The following TMEM41A variants were observed in gnomAD, a reference collection of about 807,000 sequenced individuals.
The protein encoded by TMEM41A is transmembrane protein 41A.
Under a neutral mutation model 25.7 loss-of-function variants are expected in TMEM41A, and 20 were observed. The ratio of observed to expected loss-of-function variants is 0.78; its 90% CI spans 0.55 to 1.13. TMEM41A has a LOEUF of 1.13. Ranked by LOEUF, TMEM41A falls within the 50% of genes most tolerant of loss-of-function variation. The pLI is 0.00. For missense variants in TMEM41A, 299 were observed against 314.3 expected (o/e 0.95, Z 0.37); for synonymous variants, 133 against 139.6 (o/e 0.95, Z 0.33).
intron 4 of TMEM41A, 107 bp downstream of exon 4, chr3:185,494,516 G>A (rs1719042810): frequency 3.1e-6 from 4 of 1,269,898 alleles, no homozygotes; most frequent in East Asian, 2.6e-5. Flanking sequence ...CACACTTTGT[G>A]AGCCTGTGTT....
At position 185,495,158 on chromosome 3, in the gene TMEM41A, C is replaced by G. The variant is rs747211633; in HGVS notation, c.431G>C (p.Arg144Thr). Reference sequence around the variant, plus strand: ...AGATGTGACCCCTCCCCTTACCTTTCTCTGCAGCAGGGCCACTTTATCAGG... The same window carrying G: ...AGATGTGACCCCTCCCCTTACCTTTGTCTGCAGCAGGGCCACTTTATCAGG... The part of the protein sequence containing the change: ...YFPDKVALLQ[R>T]KVEENRNSLF... Residue 144 changes from arginine to threonine, a missense_variant, in exon 3 of 5, where the codon AGA (arginine) becomes ACA (threonine). Coordinates refer to ENST00000421852, the MANE Select transcript of TMEM41A (RefSeq NM_080652.4). 5 of 1,613,576 alleles carry G rather than the reference C, an allele frequency of 3.1e-6. No individual in the cohort carries two copies. The African/African-American group carries it at 6.7e-5, about 22-fold the overall frequency.
At chr3:185,496,290 C>A in intron 2 of TMEM41A, 1 of 192,888 alleles carries the variant, frequency 5.2e-6, no homozygotes, top group Non-Finnish European at 1.1e-5. Flanking sequence ...GTAATCCTCA[C>A]TACATCCCTG....
In TMEM41A at chr3:185,491,359, C is replaced by T. The variant is rs1486425275; in HGVS notation, c.*178G>A. The T allele has an allele frequency of 8.8e-6, 5 of 571,222 alleles. No individual in the cohort carries two copies. Among genetic ancestry groups the T allele is most frequent in the Admixed American group, 3.1e-5 (1 of 32,560 alleles). The allele number at this position is 571,222 out of a possible 1,614,324, so 35.4% of individuals were successfully genotyped here. A position where few individuals can be genotyped will look rare whatever the true frequency, so the allele number is the denominator to read the frequency against. Reference sequence around the variant, plus strand: ...TGCTACACCAGGGCTGGTTTGAAAACCTGATGTAATACACCTTCAAGAGCA... The same window carrying T: ...TGCTACACCAGGGCTGGTTTGAAAATCTGATGTAATACACCTTCAAGAGCA... On this transcript the variant is annotated 3_prime_UTR_variant, in exon 5 of 5. Transcript: ENST00000421852.
At position 185,491,445 on chromosome 3, in the gene TMEM41A, G is replaced by A. The variant is rs1438661684; in HGVS notation, c.*92C>T. Reference sequence around the variant, plus strand: ...CACAGTGTCCACATCACCTATAGAAGGCAATCAAAAACAATGAGGGGCTTT... The same window carrying A: ...CACAGTGTCCACATCACCTATAGAAAGCAATCAAAAACAATGAGGGGCTTT... On this transcript the variant is annotated 3_prime_UTR_variant, in exon 5 of 5. Coordinates refer to ENST00000421852, the MANE Select transcript of TMEM41A (RefSeq NM_080652.4). The A allele has an allele frequency of 1.0e-6, 1 of 958,104 alleles. No individual in the cohort carries two copies. The allele number at this position is 958,104 out of a possible 1,614,324, so 59.4% of individuals were successfully genotyped here. A position where few individuals can be genotyped will look rare whatever the true frequency, so the allele number is the denominator to read the frequency against.
intron 4 of TMEM41A, chr3:185,494,401 T>TGGACAATCTTTATTTAGTCCAA (rs1370640033): frequency 3.1e-5 from 15 of 481,266 alleles, no homozygotes; most frequent in Admixed American, 1.2e-4. Flanking sequence ...AGCCATGCAA[T>TGGACAATCTTTATTTAGTCCAA]GGACAATCTT....
chr3:185,496,981 C>A lies in TMEM41A; in HGVS notation c.120G>T (p.Arg40Ser). The change falls in exon 2 of 5, where the codon AGG becomes AGT. Residue 40 changes from arginine (R) to serine (S), a missense_variant and splice_region_variant. Coordinates refer to ENST00000421852, the MANE Select transcript of TMEM41A (RefSeq NM_080652.4). Reference sequence around the variant, plus strand: ...CCAGGTCGGAGGGGAACCACAGCGACCTGGGGATTTGGAAAAGCAGATGGA... The same window carrying A: ...CCAGGTCGGAGGGGAACCACAGCGAACTGGGGATTTGGAAAAGCAGATGGA... ...RLGSTEEAGG[R>S]SLWFPSDLAE... is the part of the protein sequence containing the mutation. 6.3e-7 allele frequency: 1 copy of A among 1,591,954 alleles called. No homozygotes were observed. Among genetic ancestry groups the A allele is most frequent in the Non-Finnish European group, 8.5e-7 (1 of 1,170,730 alleles).
chr3:185,496,922 T>G lies in TMEM41A; in HGVS notation c.179A>C (p.Glu60Ala), dbSNP rs879539233. 6.2e-7 allele frequency: 1 copy of G among 1,603,390 alleles called. No homozygotes were observed. The highest frequency in any genetic ancestry group is 8.5e-7 in the Non-Finnish European group (1 of 1,176,250). ...GTAGGCCTGGTGCTCCTTCCGGTAC[T>G]CTCGAAGGACCTCAGAGAGCTCCCG... is the stretch of plus-strand genomic sequence containing the variant. ...ELRELSEVLR[E>A]YRKEHQAYVF... is the part of the protein sequence containing the mutation. Residue 60 changes from glutamate (E) to alanine (A), a missense_variant, in exon 2 of 5, where the codon GAG (glutamate) becomes GCG (alanine). By Grantham distance (107) the Glu-to-Ala change is moderately radical. Transcript: ENST00000421852.
chr3:185,498,845 G>T lies in TMEM41A; in HGVS notation c.117C>A (p.Gly39=). 6.3e-7 allele frequency: 1 copy of T among 1,589,152 alleles called. No individual in the cohort carries two copies. The highest frequency in any genetic ancestry group is 1.4e-5 in the African/African-American group (1 of 72,728). The change falls in exon 1 of 5, where the codon GGC becomes GGA. Residue 39 remains glycine (G), a splice_region_variant and synonymous_variant. Coordinates refer to ENST00000421852, the MANE Select transcript of TMEM41A (RefSeq NM_080652.4). ...RRLGSTEEAG[G]RSLWFPSDLA... Reference sequence around the variant, plus strand: ...GAACCCGGATTCCCGCCACGCACCTGCCTCCAGCCTCCTCGGTGGAGCCCA... The same window carrying T: ...GAACCCGGATTCCCGCCACGCACCTTCCTCCAGCCTCCTCGGTGGAGCCCA...
intron 4 of TMEM41A, chr3:185,492,909 C>T (rs1403684638): frequency 3.3e-5 from 5 of 152,216 alleles, no homozygotes; most frequent in Non-Finnish European, 7.3e-5. Flanking sequence ...CAAACCCCCA[C>T]TAGCTGAGGG....
chr3:185,494,029 T>G (rs1719031103), intron 4 of TMEM41A: 2 of 152,224 alleles, frequency 1.3e-5, no homozygotes, highest in Admixed American at 6.5e-5. Flanking sequence ...ACAAGCCCCC[T>G]GACCCTAACA....
chr3:185,498,005 C>G (rs963250888), intron 1 of TMEM41A, among the ~76,000 whole-genome samples: 1 of 151,990 alleles, frequency 6.6e-6, no homozygotes, highest in African/African-American at 2.4e-5. Flanking sequence ...GCCTGTAATC[C>G]CAACACTTTG....
intron 4 of TMEM41A, chr3:185,494,149 G>A (rs1299279696): frequency 6.5e-6 from 1 of 152,764 alleles, no homozygotes; most frequent in Non-Finnish European, 1.5e-5. Flanking sequence ...ATTGTCAAAA[G>A]GCAGGAAGGA....
chr3:185,494,706 G>A lies in TMEM41A; in HGVS notation c.491C>T (p.Pro164Leu). The A allele has an allele frequency of 6.2e-7, 1 of 1,613,070 alleles. No homozygotes were observed. The highest frequency in any genetic ancestry group is 8.5e-7 in the Non-Finnish European group (1 of 1,179,696). ...GTTCAAGAACCAGTTTGGTGTCATG[G>A]GGAAAAGTCTCAAAAACAATAAGAA... ...FFFLLFLRLFPMTPNWFLNLS... is the reference protein window; with the variant it reads ...FFFLLFLRLFLMTPNWFLNLS... Residue 164 changes from proline (P) to leucine (L), a missense_variant, in exon 4 of 5, where the codon CCC becomes CTC. By Grantham distance (98) the Pro-to-Leu change is moderately conservative. Coordinates refer to ENST00000421852, the MANE Select transcript of TMEM41A (RefSeq NM_080652.4).
chr3:185,491,256 A>C lies in TMEM41A; in HGVS notation c.*281T>G, dbSNP rs1297208857. On this transcript the variant is annotated 3_prime_UTR_variant, in exon 5 of 5. Transcript: ENST00000421852. The stretch of plus-strand genomic sequence containing the variant: ...TGTGAATCACCGGCCTCGGCCTCCC[A>C]AAGTGCTGGGATTACAGGCGTGAGC... The C allele has an allele frequency of 4.0e-6, 1 of 249,500 alleles. No individual in the cohort carries two copies. The highest frequency in any genetic ancestry group is 7.8e-6 in the Non-Finnish European group (1 of 128,132). The allele number at this position is 249,500 out of a possible 1,614,324, so 15.5% of individuals were successfully genotyped here.
At chr3:185,496,650 A>C (rs2148939732) in intron 2 of TMEM41A, 178 bp downstream of exon 2, 1 of 728,476 alleles carries the variant, frequency 1.4e-6, no homozygotes, top group East Asian at 2.7e-5. Flanking sequence ...GGAAGCTGTC[A>C]GTGTCTCCCA....
Position 185,494,745 on chromosome 3 carries a change from T to C in TMEM41A, c.452A>G (p.Asn151Ser). ...LLQRKVEENRNSLFFFLLFLR... is the reference protein window; with the variant it reads ...LLQRKVEENRSSLFFFLLFLR... ...AAACAATAAGAAAAAAAACAAGCTG[T>C]TTCTGTTCTCCTCCACCTGTAGCCA... is the stretch of plus-strand genomic sequence containing the variant. The change falls in exon 4 of 5, where the codon AAC (asparagine) becomes AGC (serine). Residue 151 changes from asparagine to serine, a missense_variant. By Grantham distance (46) the Asn-to-Ser change is conservative. Coordinates refer to ENST00000421852, the MANE Select transcript of TMEM41A (RefSeq NM_080652.4). 1 of 1,610,666 alleles carries C rather than the reference T, an allele frequency of 6.2e-7. No individual in the cohort carries two copies. The highest frequency in any genetic ancestry group is 8.5e-7 in the Non-Finnish European group (1 of 1,178,908).
rs535231060 is a variant in TMEM41A at position 185,496,548 on chromosome 3, T to C, written c.273+280A>G. 346 of 467,380 alleles carry C rather than the reference T, an allele frequency of 7.4e-4. 1 individual carries two copies. Among genetic ancestry groups the C allele is most frequent in the Non-Finnish European group, 1.1e-3 (284 of 253,014 alleles). 29.0% of individuals were successfully genotyped at this position (467,380 alleles called of 1,614,324 possible). ...CTCTCTTGGACATGTTTGCTTTTCTTCTAGTTTCCGACAAGGAAACTGTTT... is the reference window on the plus strand; with the variant it reads ...CTCTCTTGGACATGTTTGCTTTTCTCCTAGTTTCCGACAAGGAAACTGTTT... On this transcript the variant is annotated intron_variant, in intron 2 of 4. Coordinates refer to ENST00000421852, the MANE Select transcript of TMEM41A (RefSeq NM_080652.4).
rs1718914489 is a variant in TMEM41A, at chr3:185,490,507, GT to G, written c.*1029del. On this transcript the variant is annotated 3_prime_UTR_variant, in exon 5 of 5. Transcript: ENST00000421852. ...CCAGAACATATCCATGACATACAGC[GT>G]TTGCTCCATTCATATTTAATAGTCT... 6.6e-6 allele frequency: 1 copy of G among 152,112 alleles called. No homozygotes were observed. The highest frequency in any genetic ancestry group is 1.9e-4 in the East Asian group (1 of 5,198). The allele number at this position is 152,112 out of a possible 1,614,324, so 9.4% of individuals were successfully genotyped here.
intron 4 of TMEM41A, among the ~76,000 whole-genome samples, 179 bp from the exon 5 acceptor site, chr3:185,491,936 C>T (rs887760361): frequency 6.6e-6 from 1 of 152,128 alleles, no homozygotes; most frequent in Non-Finnish European, 1.5e-5. Context: ...CCTTTCCTCA[C>T]TTCCCATATA....
Sources: gnomAD v4.1 joint callset for allele counts (sites outside exome capture counted in the v4.1 genomes callset) on GRCh38, gnomAD v4.1.1 for gene constraint, MANE v1.5 for transcripts, NCBI Gene and HGNC (gene_info 2026-07-23, HGNC 2026-07-21) for gene names.